Variants in NELL1 observed in about 807,000 individuals in gnomAD.
The protein encoded by NELL1 is neural EGFL like 1.
In NELL1, 76 loss-of-function variants were observed where a neutral mutation model predicts 107.4. That is an observed-to-expected ratio of 0.71 (90% confidence interval 0.59 to 0.86). The LOEUF is 0.86. NELL1 is among the 40% of genes least tolerant of loss of function. NELL1 has a pLI of 0.00. For missense variants in NELL1, 1,024 were observed against 1,005.5 expected (o/e 1.02, Z -0.25); for synonymous variants, 353 against 341.2 (o/e 1.03, Z -0.38).
chr11:21,349,525 T>C (rs1415553390), intron 14 of NELL1, among the ~76,000 whole-genome samples: 1 of 152,178 alleles, frequency 6.6e-6, no homozygotes, highest in Non-Finnish European at 1.5e-5. Flanking sequence ...TCTACAATGC[T>C]TTCTGTCACT....
At chr11:21,093,652 T>C (rs1432260929) in intron 12 of NELL1, among the ~76,000 whole-genome samples, 2 of 152,164 alleles carry the variant, frequency 1.3e-5, no homozygotes, top group Admixed American at 6.5e-5. Flanking sequence ...TGGGGAAGCC[T>C]CATAATCATA....
chr11:21,513,079 A>G (rs1480472740), intron 15 of NELL1, among the ~76,000 whole-genome samples: 2 of 152,194 alleles, frequency 1.3e-5, no homozygotes, highest in African/African-American at 2.4e-5. Context: ...ACAGTCAGCT[A>G]TGGTTTGGGA....
intron 3 of NELL1, among the ~76,000 whole-genome samples, chr11:20,795,035 G>C (rs1203979700): frequency 1.3e-5 from 2 of 152,128 alleles, no homozygotes; most frequent in African/African-American, 4.8e-5. Flanking sequence ...GCTAGGCTTC[G>C]GGCTACTCTC....
At position 21,227,876 on chromosome 11, in the gene NELL1, A is replaced by C. The variant is rs113068863; in HGVS notation, c.1427-1456A>C. 1.7e-3 allele frequency among the ~76,000 whole-genome samples: 263 copies of C among 152,312 alleles called. 1 individual carries two copies. Among genetic ancestry groups the C allele is most frequent in the African/African-American group, 5.8e-3 (241 of 41,566 alleles). On this transcript the variant is annotated intron_variant, in intron 13 of 19. Transcript: ENST00000357134. ...ACCTCTGTTGTGTGTGTGTGATGAA[A>C]ACAGTCCTATTTTGTAGGATTTAAC...
chr11:20,720,107 A>G (rs932008692), intron 2 of NELL1, among the ~76,000 whole-genome samples: 4 of 151,924 alleles, frequency 2.6e-5, no homozygotes, highest in African/African-American at 9.7e-5. Context: ...ATTGCTGGAG[A>G]TGAGAAAACG....
chr11:20,927,225 G>A, intron 7 of NELL1, 83 bp from the exon 8 acceptor site: 1 of 1,334,274 alleles, frequency 7.5e-7, no homozygotes, highest in Non-Finnish European at 1.0e-6. Flanking sequence ...TTCTCAGAAG[G>A]ATTTTTTTTC....
chr11:21,127,212 T>C (rs914902583), intron 13 of NELL1, among the ~76,000 whole-genome samples: 1 of 151,938 alleles, frequency 6.6e-6, no homozygotes, highest in African/African-American at 2.4e-5. Flanking sequence ...GTAAAGAAAA[T>C]AGCAAGTTTA....
intron 10 of NELL1, among the ~76,000 whole-genome samples, chr11:20,941,825 A>G (rs1303523701): frequency 6.6e-6 from 1 of 152,152 alleles, no homozygotes; most frequent in Non-Finnish European, 1.5e-5. Flanking sequence ...GGGGAAGGGT[A>G]TAGTCCTAGG....
chr11:20,723,614 G>C (rs550293457), intron 2 of NELL1, among the ~76,000 whole-genome samples: 1 of 152,280 alleles, frequency 6.6e-6, no homozygotes, highest in South Asian at 2.1e-4. Flanking sequence ...GGTGTTGAGT[G>C]CCTGTGGCTT....
chr11:20,969,995 A>C (rs947282226), intron 12 of NELL1, among the ~76,000 whole-genome samples: 1 of 152,056 alleles, frequency 6.6e-6, no homozygotes, highest in African/African-American at 2.4e-5. Context: ...GTTCTAGAAC[A>C]CTAGAACACA....
chr11:21,433,987 G>A (rs532511446), intron 15 of NELL1, among the ~76,000 whole-genome samples: 3 of 152,194 alleles, frequency 2.0e-5, no homozygotes, highest in African/African-American at 7.2e-5. Flanking sequence ...CCATTTGTAT[G>A]TCTTATTTTG....
At chr11:20,731,861 A>G (rs1406172128) in intron 2 of NELL1, among the ~76,000 whole-genome samples, 1 of 152,172 alleles carries the variant, frequency 6.6e-6, no homozygotes, top group African/African-American at 2.4e-5. Context: ...GTGTGCGCAG[A>G]TACATGTGGT....
intron 14 of NELL1, among the ~76,000 whole-genome samples, chr11:21,253,244 T>C (rs115161962): frequency 0.016 from 2,404 of 152,236 alleles, 73 homozygotes; most frequent in African/African-American, 0.055. Flanking sequence ...TGGAAATCTT[T>C]TCTTTATTCC....
chr11:20,781,297 C>T (rs1426949178), intron 2 of NELL1, among the ~76,000 whole-genome samples: 1 of 152,046 alleles, frequency 6.6e-6, no homozygotes, highest in Non-Finnish European at 1.5e-5. Context: ...AAGACTGGGA[C>T]CTTTGTGAGA....
At chr11:21,546,603 T>A (rs909107851) in intron 16 of NELL1, among the ~76,000 whole-genome samples, 1 of 152,002 alleles carries the variant, frequency 6.6e-6, no homozygotes, top group African/African-American at 2.4e-5. Flanking sequence ...CTGCACACAC[T>A]CTATTGCCTG....
chr11:21,439,357 T>C (rs889146528), intron 15 of NELL1, among the ~76,000 whole-genome samples: 7 of 151,978 alleles, frequency 4.6e-5, no homozygotes, highest in Non-Finnish European at 7.4e-5. Flanking sequence ...ACAAGGAAAA[T>C]GCAGGGCCAA....
intron 4 of NELL1, among the ~76,000 whole-genome samples, chr11:20,867,126 G>A (rs1011841702): frequency 6.6e-5 from 10 of 152,138 alleles, no homozygotes; most frequent in Non-Finnish European, 7.3e-5. Context: ...AGAAGCAAAG[G>A]CACAGATCAA....
chr11:20,742,384 C>T (rs780251276), intron 2 of NELL1, among the ~76,000 whole-genome samples: 12 of 152,124 alleles, frequency 7.9e-5, no homozygotes, highest in African/African-American at 1.7e-4. Flanking sequence ...TGCCTTTCCT[C>T]GAGACTCAGG....
chr11:20,750,825 G>A (rs1046353019), intron 2 of NELL1, among the ~76,000 whole-genome samples: 1 of 151,988 alleles, frequency 6.6e-6, no homozygotes, highest in Non-Finnish European at 1.5e-5. Flanking sequence ...TGATCTCAAG[G>A]AATCCACCTA....
Sources: gnomAD v4.1 joint callset for allele counts (sites outside exome capture counted in the v4.1 genomes callset) on GRCh38, gnomAD v4.1.1 for gene constraint, MANE v1.5 for transcripts, NCBI Gene and HGNC (gene_info 2026-07-23, HGNC 2026-07-21) for gene names.